The following CFHR3 variants were observed in gnomAD, a reference collection of about 807,000 sequenced individuals.
The protein encoded by CFHR3 is complement factor H-related protein 3.
In CFHR3, 22 loss-of-function variants were observed where a neutral mutation model predicts 36.0. The observed-to-expected ratio is 0.61, with a 90% CI of 0.44 to 0.87. The LOEUF (loss-of-function observed/expected upper bound fraction) is 0.87, where lower values mean the gene tolerates loss of function less well. CFHR3 is among the 40% of genes least tolerant of loss of function. The pLI is 0.00. For synonymous variants in CFHR3, 97 were observed against 137.4 expected, an observed-to-expected ratio of 0.71 and a Z score of 2.06; for missense variants, 276 against 401.3, an observed-to-expected ratio of 0.69 and a Z score of 2.67.
In CFHR3 at chr1:196,781,122, A is replaced by G. The variant is rs374694202; in HGVS notation, c.430+1149A>G. Among the ~76,000 whole-genome samples, 4 of 134,648 alleles carry G rather than the reference A, an allele frequency of 3.0e-5. 1 individual carries two copies. In the South Asian group the frequency reaches 1.1e-3, roughly 36 times the overall value. 88.3% of individuals were successfully genotyped at this position (134,648 alleles called of 152,430 possible). A position where few individuals can be genotyped will look rare whatever the true frequency, so the allele number is the denominator to read the frequency against. On this transcript the variant is annotated intron_variant, in intron 3 of 5. Coordinates refer to ENST00000367425, the MANE Select transcript of CFHR3 (RefSeq NM_021023.6). ...CAGTTTCATCCATGTCCCTACAAAG[A>G]ACATGAACTCATCATTTTTTATGGC...
rs530530714 is a variant in CFHR3, at chr1:196,784,053, T to A, written c.430+4080T>A. On this transcript the variant is annotated intron_variant, in intron 3 of 5. Transcript: ENST00000367425. ...ACATCTTTATTTCTGCCTTCATTTC[T>A]TTATGTACCCAGTAGTCATTCAGGA... 2.9e-5 allele frequency among the ~76,000 whole-genome samples: 4 copies of A among 136,508 alleles called. 1 individual carries two copies. Among genetic ancestry groups the A allele is most frequent in the Non-Finnish European group, 6.2e-5 (4 of 64,378 alleles). The allele number at this position is 136,508 out of a possible 152,430, so 89.6% of individuals were successfully genotyped here.
rs568525906 is a variant in CFHR3, at chr1:196,786,304, G to A, written c.431-1912G>A. Among the ~76,000 whole-genome samples, 17 of 135,200 alleles carry A rather than the reference G, an allele frequency of 1.3e-4. 3 individuals carry two copies. Among genetic ancestry groups the A allele is most frequent in the South Asian group, 5.2e-4 (2 of 3,810 alleles). The allele number at this position is 135,200 out of a possible 152,430, so 88.7% of individuals were successfully genotyped here. ...TGCCCGTTCTCAGATCTCCAGCTGC[G>A]TGCTGGGAGAACCACTGCTCTCTTC... is the stretch of plus-strand genomic sequence containing the variant. On this transcript the variant is annotated intron_variant, in intron 3 of 5. Transcript: ENST00000367425.
Position 196,780,823 on chromosome 1 carries a change from T to G in CFHR3, c.430+850T>G, listed in dbSNP as rs1188865773. Among the ~76,000 whole-genome samples, 3 of 135,166 alleles carry G rather than the reference T, an allele frequency of 2.2e-5. 1 individual carries two copies. The highest frequency in any genetic ancestry group is 4.7e-5 in the Non-Finnish European group (3 of 64,102). The allele number at this position is 135,166 out of a possible 152,430, so 88.7% of individuals were successfully genotyped here. ...TTTATATTTTATTATTATTATATTTTAAGTTTTAGGGTACATGTGCACAAT... is the reference window on the plus strand; with the variant it reads ...TTTATATTTTATTATTATTATATTTGAAGTTTTAGGGTACATGTGCACAAT... On this transcript the variant is annotated intron_variant, in intron 3 of 5. Transcript: ENST00000367425.
intron 3 of CFHR3, among the ~76,000 whole-genome samples, chr1:196,780,282 G>C (rs777971200): frequency 7.3e-6 from 1 of 136,876 alleles, no homozygotes; most frequent in South Asian, 2.5e-4. Context: ...CCCGAGGTTC[G>C]TCATCTTGCA....
rs752694660 is a variant in CFHR3, at chr1:196,793,293, T to C, written c.797-24T>C. Reference sequence around the variant, plus strand: ...CTCATGAAAGAGAAAATTATGATTGTTAATTGTTTTTTTCTGCTTTCAGAT... The same window carrying C: ...CTCATGAAAGAGAAAATTATGATTGCTAATTGTTTTTTTCTGCTTTCAGAT... On this transcript the variant is annotated intron_variant, in intron 5 of 5. Transcript: ENST00000367425. 1.4e-5 allele frequency: 20 copies of C among 1,481,084 alleles called. 1 individual carries two copies. The East Asian group carries it at 4.1e-4, about 30-fold the overall frequency. The allele number at this position is 1,481,084 out of a possible 1,614,324, so 91.7% of individuals were successfully genotyped here.
chr1:196,780,706 G>A (rs1653912911), intron 3 of CFHR3, among the ~76,000 whole-genome samples: 1 of 135,784 alleles, frequency 7.4e-6, no homozygotes, highest in South Asian at 2.6e-4. Flanking sequence ...GGCTAGTATT[G>A]TTCTTTCCTT....
rs1295847484 is a variant in CFHR3 at position 196,784,696 on chromosome 1, T to C, written c.431-3520T>C. 2.9e-5 allele frequency among the ~76,000 whole-genome samples: 4 copies of C among 136,026 alleles called. 1 individual carries two copies. The highest frequency in any genetic ancestry group is 7.1e-5 in the Admixed American group (1 of 14,136). 89.2% of individuals were successfully genotyped at this position (136,026 alleles called of 152,430 possible). On this transcript the variant is annotated intron_variant, in intron 3 of 5. Coordinates refer to ENST00000367425, the MANE Select transcript of CFHR3 (RefSeq NM_021023.6). ...TCCTTTTATTTTGAGCCTATGTGTGTCTCTGCACATGAGATGGGTTTCCTG... is the reference window on the plus strand; with the variant it reads ...TCCTTTTATTTTGAGCCTATGTGTGCCTCTGCACATGAGATGGGTTTCCTG...
At chr1:196,791,879 T>C (rs1654439117) in intron 5 of CFHR3, among the ~76,000 whole-genome samples, 1 of 136,540 alleles carries the variant, frequency 7.3e-6, no homozygotes, top group Non-Finnish European at 1.6e-5. Context: ...GCATTACCTC[T>C]TCTCACAATC....
rs1289574836 is a variant in CFHR3 at position 196,783,752 on chromosome 1, C to A, written c.430+3779C>A. Among the ~76,000 whole-genome samples the A allele has an allele frequency of 2.2e-5, 3 of 136,190 alleles. 1 individual carries two copies. Among genetic ancestry groups the A allele is most frequent in the Non-Finnish European group, 4.7e-5 (3 of 64,358 alleles). The allele number at this position is 136,190 out of a possible 152,430, so 89.3% of individuals were successfully genotyped here. On this transcript the variant is annotated intron_variant, in intron 3 of 5. Transcript: ENST00000367425. ...GATTTTGTTGATCCTTTCAAAAAAC[C>A]AGCTCCTGGATTCATTAATTTTTTG...
At chr1:196,778,736 T>C (rs1442065505) in intron 1 of CFHR3, among the ~76,000 whole-genome samples, 1 of 136,838 alleles carries the variant, frequency 7.3e-6, no homozygotes, top group East Asian at 2.0e-4. Context: ...TATTTCTTGT[T>C]TCTCTTTTCC....
chr1:196,790,629 C>T (rs1654388470), intron 5 of CFHR3, among the ~76,000 whole-genome samples: 1 of 135,416 alleles, frequency 7.4e-6, no homozygotes, highest in East Asian at 2.0e-4. Flanking sequence ...GAGGGTGAGG[C>T]AGGAGAATCA....
At chr1:196,777,728 C>T (rs1217981947) in intron 1 of CFHR3, among the ~76,000 whole-genome samples, 2 of 135,600 alleles carry the variant, frequency 1.5e-5, no homozygotes, top group South Asian at 5.2e-4. Flanking sequence ...GGGCTCCTGC[C>T]TTAATCCCAG....
At chr1:196,775,335 C>G (rs1248127849) in intron 1 of CFHR3, among the ~76,000 whole-genome samples, 1 of 136,252 alleles carries the variant, frequency 7.3e-6, no homozygotes, top group Non-Finnish European at 1.6e-5. Context: ...TTTTCATAAT[C>G]TTACATATGG....
At chr1:196,781,612 A>G (rs1286307667) in intron 3 of CFHR3, among the ~76,000 whole-genome samples, 1 of 136,514 alleles carries the variant, frequency 7.3e-6, no homozygotes, top group African/African-American at 3.1e-5. Flanking sequence ...TTTGAGAAGC[A>G]TCTGTTCATG....
Position 196,779,378 on chromosome 1 carries a change from T to G in CFHR3, c.253+22T>G. On this transcript the variant is annotated intron_variant, in intron 2 of 5. Transcript: ENST00000367425. ...CTCAGTAAGTAATCCTCTGAACTGC[T>G]ACACATGTATAAAACTTTAAAAGAT... 3.6e-6 allele frequency: 5 copies of G among 1,400,550 alleles called. 2 individuals are homozygous for G. Among genetic ancestry groups the G allele is most frequent in the Non-Finnish European group, 4.9e-6 (5 of 1,014,524 alleles). The allele number at this position is 1,400,550 out of a possible 1,614,324, so 86.8% of individuals were successfully genotyped here.
At chr1:196,791,666 T>C (rs1483066238) in intron 5 of CFHR3, among the ~76,000 whole-genome samples, 2 of 132,336 alleles carry the variant, frequency 1.5e-5, no homozygotes, top group South Asian at 2.6e-4. Context: ...TCCACTTCTG[T>C]AGATGATCAT....
In CFHR3 at chr1:196,775,198, T is replaced by G. The variant is rs1167864043; in HGVS notation, c.58+254T>G. Among the ~76,000 whole-genome samples the G allele has an allele frequency of 5.1e-5, 7 of 136,962 alleles. 2 individuals carry two copies. The highest frequency in any genetic ancestry group is 1.4e-4 in the Admixed American group (2 of 14,118). The allele number at this position is 136,962 out of a possible 152,430, so 89.9% of individuals were successfully genotyped here. A position where few individuals can be genotyped will look rare whatever the true frequency, so the allele number is the denominator to read the frequency against. ...CAGTGTAAAAGGCATTTAATATTGA[T>G]TATGGAGATATGTGAATATACTCAT... On this transcript the variant is annotated intron_variant, in intron 1 of 5. Coordinates refer to ENST00000367425, the MANE Select transcript of CFHR3 (RefSeq NM_021023.6).
intron 3 of CFHR3, among the ~76,000 whole-genome samples, chr1:196,780,435 C>G (rs74550177): frequency 0.021 from 2,819 of 137,276 alleles, 446 homozygotes; most frequent in Non-Finnish European, 0.026. Flanking sequence ...GGTGATGTCA[C>G]ATTTTAATAT....
rs752490350 is a variant in CFHR3, at chr1:196,794,769, T to C, written c.*1256T>C. The C allele has an allele frequency of 6.7e-4, 186 of 275,874 alleles. 30 individuals carry two copies. The highest frequency in any genetic ancestry group is 3.6e-4 in the Admixed American group (7 of 19,572). The allele number at this position is 275,874 out of a possible 1,614,324, so 17.1% of individuals were successfully genotyped here. A position where few individuals can be genotyped will look rare whatever the true frequency, so the allele number is the denominator to read the frequency against. On this transcript the variant is annotated 3_prime_UTR_variant, in exon 6 of 6. Transcript: ENST00000367425. ...AATAGATTTTTACCCCCAGTTAGCA[T>C]ATGGTTAGTGAGAAGTTGCAGGGTA...
Sources: gnomAD v4.1 joint callset for allele counts (sites outside exome capture counted in the v4.1 genomes callset) on GRCh38, gnomAD v4.1.1 for gene constraint, MANE v1.5 for transcripts, NCBI Gene and HGNC (gene_info 2026-07-23, HGNC 2026-07-21) for gene names.